Variants in EHMT1 observed in about 807,000 individuals in gnomAD.
EHMT1 encodes the protein histone-lysine N-methyltransferase EHMT1.
EHMT1 carries 15 observed loss-of-function variants against 147.2 expected under a neutral mutation model. The ratio of observed to expected loss-of-function variants is 0.10; its 90% CI spans 0.07 to 0.16. EHMT1 has a LOEUF of 0.16. EHMT1 is among the 10% of genes least tolerant of loss of function. The probability of loss-of-function intolerance (pLI) is 1.00; values close to 1 mark genes in which losing one functional copy is unlikely to be tolerated. For missense variants in EHMT1, 1,587 were observed against 1,772.4 expected, an observed-to-expected ratio of 0.90 and a Z score of 1.88; for synonymous variants, 795 against 709.6, an observed-to-expected ratio of 1.12 and a Z score of -1.91.
At chr9:137,700,851 C>T (rs548152457) in intron 1 of EHMT1, among the ~76,000 whole-genome samples, 2 of 152,206 alleles carry the variant, frequency 1.3e-5, no homozygotes, top group South Asian at 4.2e-4. Flanking sequence ...TGTATTGGCT[C>T]GTTCTCACAC....
At chr9:137,780,587 G>A (rs1263322083) in intron 14 of EHMT1, among the ~76,000 whole-genome samples, 23 of 131,462 alleles carry the variant, frequency 1.7e-4, no homozygotes, top group African/African-American at 5.4e-4. Context: ...GATGACGCTG[G>A]GATGTGTGGT....
At chr9:137,656,619 G>C (rs1159779053) in intron 1 of EHMT1, among the ~76,000 whole-genome samples, 1 of 152,180 alleles carries the variant, frequency 6.6e-6, no homozygotes, top group Non-Finnish European at 1.5e-5. Flanking sequence ...CTGGAGGCAG[G>C]GGCATATGTC....
chr9:137,711,134 C>T, intron 2 of EHMT1, 104 bp downstream of exon 2: 1 of 1,248,624 alleles, frequency 8.0e-7, no homozygotes, highest in Middle Eastern at 2.0e-4. Flanking sequence ...ACTTTCTTTG[C>T]TTCACCTAGG....
chr9:137,826,720 C>G lies in EHMT1; in HGVS notation c.3541-7629C>G, dbSNP rs549076678. ...AGAGGGGAGAGCTTTGCTGGGGCTT[C>G]GAAACCACCTCCTAATGGCAGCATT... On this transcript the variant is annotated intron_variant, in intron 25 of 26. Coordinates refer to ENST00000460843, the MANE Select transcript of EHMT1 (RefSeq NM_024757.5). Among the ~76,000 whole-genome samples, 3 of 152,300 alleles carry G rather than the reference C, an allele frequency of 2.0e-5. No individual in the cohort carries two copies. The South Asian group carries it at 6.2e-4, about 32-fold the overall frequency.
At chr9:137,760,658 C>T (rs1949731070) in intron 9 of EHMT1, among the ~76,000 whole-genome samples, 2 of 152,144 alleles carry the variant, frequency 1.3e-5, no homozygotes, top group African/African-American at 4.8e-5. Flanking sequence ...TATCAGATTC[C>T]AAATGGGCTA....
intron 1 of EHMT1, among the ~76,000 whole-genome samples, chr9:137,654,597 T>C (rs1203461910): frequency 6.6e-6 from 1 of 152,062 alleles, no homozygotes; most frequent in Non-Finnish European, 1.5e-5. Flanking sequence ...CTATTCTGGG[T>C]CTCTTAAGTT....
chr9:137,787,844 CGGT>C lies in EHMT1; in HGVS notation c.2383-3001_2383-2999del, dbSNP rs1952114643. On this transcript the variant is annotated intron_variant, in intron 15 of 26. Transcript: ENST00000460843. This position sits in a 1 kb window ranked among gnomAD's most constrained non-coding sequence, Gnocchi z 4.2. The stretch of plus-strand genomic sequence containing the variant: ...CCCCCCAGTAGGCAGAGCTGGTTGA[CGGT>C]GGACATTGGGGATAGGAGGTGGGTG... The C allele has an allele frequency of 9.6e-7, 1 of 1,038,694 alleles. No individual in the cohort carries two copies. The highest frequency in any genetic ancestry group is 1.3e-5 in the South Asian group (1 of 79,604). 64.3% of individuals were successfully genotyped at this position (1,038,694 alleles called of 1,614,324 possible). A position where few individuals can be genotyped will look rare whatever the true frequency, so the allele number is the denominator to read the frequency against.
At chr9:137,711,116 G>A (rs191662832) in intron 2 of EHMT1, 86 bp downstream of exon 2, 197 of 1,394,180 alleles carry the variant, frequency 1.4e-4, no homozygotes, top group East Asian at 1.4e-3. Flanking sequence ...ATTAGTCCCC[G>A]TCTTCTGACT....
chr9:137,779,682 G>C lies in EHMT1; in HGVS notation c.2240G>C (p.Arg747Thr). The C allele has an allele frequency of 1.2e-6, 2 of 1,613,872 alleles. No individual in the cohort carries two copies. Residue 747 changes from arginine (R) to threonine (T), a missense_variant, in exon 14 of 27, where the codon AGG (arginine) becomes ACG (threonine). Physicochemically the swap from Arg to Thr is moderately conservative, Grantham distance 71 (BLOSUM62 -1). Transcript: ENST00000460843. ...CCAAAGCAGCTGTACTTCTCCGCCA[G>C]GCAAGGGGAGCTTCAGAAGGTGCTC... ...FHPKQLYFSARQGELQKVLLM... is the reference protein window; with the variant it reads ...FHPKQLYFSATQGELQKVLLM...
rs1372795794 is a variant in EHMT1 at position 137,788,282 on chromosome 9, C to T, written c.2383-2566C>T. ...TGCTGAAGCCATTGCTGGGCGGTGG[C>T]AGATGACCGAGCGGCTGGTAGGACT... On this transcript the variant is annotated intron_variant, in intron 15 of 26. Transcript: ENST00000460843. 6 of 424,388 alleles carry T rather than the reference C, an allele frequency of 1.4e-5. No individual in the cohort carries two copies. In the Admixed American group the frequency reaches 2.4e-4, roughly 17 times the overall value. 26.3% of individuals were successfully genotyped at this position (424,388 alleles called of 1,614,324 possible).
chr9:137,685,134 T>C (rs1942315644), intron 1 of EHMT1, among the ~76,000 whole-genome samples: 1 of 152,178 alleles, frequency 6.6e-6, no homozygotes, highest in Non-Finnish European at 1.5e-5. Flanking sequence ...CTAAGTGTGC[T>C]ATTAAGTGGC....
chr9:137,814,523 G>A lies in EHMT1; in HGVS notation c.3258+15G>A, dbSNP rs770305418. On this transcript the variant is annotated intron_variant, in intron 22 of 26. Coordinates refer to ENST00000460843, the MANE Select transcript of EHMT1 (RefSeq NM_024757.5). ...GGTACGACAAGGTGAGGGCGGCCTC[G>A]TGTGCGTGGGCTCAGGTGGTAAGTG... The A allele has an allele frequency of 1.1e-5, 18 of 1,602,976 alleles. No individual in the cohort carries two copies. The highest frequency in any genetic ancestry group is 2.2e-5 in the East Asian group (1 of 44,892).
In EHMT1 at chr9:137,760,823, C is replaced by T. The variant is rs866221420; in HGVS notation, c.1502-1852C>T. Among the ~76,000 whole-genome samples, 4 of 152,176 alleles carry T rather than the reference C, an allele frequency of 2.6e-5. No homozygotes were observed. In the South Asian group the frequency reaches 8.3e-4, roughly 32 times the overall value. Reference sequence around the variant, plus strand: ...AGGAGATCGAGACCATCCTGGCTAACACAGTGAAACCCCGTCTCTACTGAA... The same window carrying T: ...AGGAGATCGAGACCATCCTGGCTAATACAGTGAAACCCCGTCTCTACTGAA... On this transcript the variant is annotated intron_variant, in intron 9 of 26. Transcript: ENST00000460843.
rs1944641347 is a variant in EHMT1 at position 137,710,861 on chromosome 9, T to C, written c.22-106T>C. The C allele has an allele frequency of 4.8e-6, 6 of 1,257,222 alleles. No homozygotes were observed. The South Asian group carries it at 8.2e-5, about 17-fold the overall frequency. 77.9% of individuals were successfully genotyped at this position (1,257,222 alleles called of 1,614,324 possible). A position where few individuals can be genotyped will look rare whatever the true frequency, so the allele number is the denominator to read the frequency against. On this transcript the variant is annotated intron_variant, in intron 1 of 26. Transcript: ENST00000460843. ...GTAAATCTGACTGTCCAGCAGCTCA[T>C]GGTGAATGTTGTAACTACGATTTTT...
chr9:137,647,091 C>T (rs1361990450), intron 1 of EHMT1, among the ~76,000 whole-genome samples: 1 of 152,180 alleles, frequency 6.6e-6, no homozygotes, highest in Admixed American at 6.5e-5. Context: ...TAGAACACTG[C>T]ACTCTTCTGG....
In EHMT1 at chr9:137,708,451, G is replaced by A. The variant is rs148251361; in HGVS notation, c.22-2516G>A. 4.6e-3 allele frequency among the ~76,000 whole-genome samples: 698 copies of A among 152,298 alleles called. 24 individuals are homozygous for A. The highest frequency in any genetic ancestry group is 0.036 in the Admixed American group (558 of 15,290). ...TCTTGGATGCATCTTTGTCCCATGC[G>A]TGATTTTGAATATTAGGCACTGGGC... On this transcript the variant is annotated intron_variant, in intron 1 of 26. Coordinates refer to ENST00000460843, the MANE Select transcript of EHMT1 (RefSeq NM_024757.5).
chr9:137,716,789 T>A lies in EHMT1; in HGVS notation c.249T>A (p.Asp83Glu), dbSNP rs1292672367. ...ACAGCGCAAGGGTCAACCCCCAGGA[T>A]GGCACCAACACACTAACTCGGATAG... ...TQDSARVNPQDGTNTLTRIAE... is the reference protein window; with the variant it reads ...TQDSARVNPQEGTNTLTRIAE... Residue 83 changes from aspartate (D) to glutamate (E), a missense_variant, in exon 3 of 27, where the codon GAT becomes GAA. This residue lies in a region of EHMT1 where 810 missense variants were observed against 673.0 expected (regional missense o/e 1.20). Transcript: ENST00000460843. 3.7e-6 allele frequency: 6 copies of A among 1,613,232 alleles called. No individual in the cohort carries two copies. Among genetic ancestry groups the A allele is most frequent in the Non-Finnish European group, 5.1e-6 (6 of 1,179,842 alleles).
In EHMT1 at chr9:137,762,670, G is replaced by T. The variant is rs1279037975; in HGVS notation, c.1502-5G>T. 4 of 1,614,050 alleles carry T rather than the reference G, an allele frequency of 2.5e-6. No individual in the cohort carries two copies. In the South Asian group the frequency reaches 3.3e-5, roughly 13 times the overall value. On this transcript the variant is annotated splice_polypyrimidine_tract_variant and splice_region_variant and intron_variant, in intron 9 of 26. Transcript: ENST00000460843. ...ATGAGCTGACATGTGTCTGTGTGAC[G>T]TTAGGGTTGGCCAACGGTCCAGATG...
chr9:137,788,797 C>G, intron 15 of EHMT1: 1 of 152,214 alleles, frequency 6.6e-6, no homozygotes, highest in Non-Finnish European at 1.5e-5. Context: ...CCGGCGGCTT[C>G]GACCTTGGAG....
Sources: gnomAD v4.1 joint callset for allele counts (sites outside exome capture counted in the v4.1 genomes callset) on GRCh38, gnomAD v4.1.1 for gene constraint, gnomAD v4.1.1 regional missense constraint, Gnocchi (gnomAD v3.1) non-coding constraint, MANE v1.5 for transcripts, NCBI Gene and HGNC (gene_info 2026-07-23, HGNC 2026-07-21) for gene names.